SYNE2: variants seen among roughly 807,000 people sequenced by gnomAD.
SYNE2 encodes nesprin-2.
SYNE2 carries 431 observed loss-of-function variants against 856.3 expected under a neutral mutation model. That is an observed-to-expected ratio of 0.50 (90% confidence interval 0.47 to 0.55). SYNE2 has a LOEUF of 0.55. Ranked by LOEUF, SYNE2 falls within the 20% of genes least tolerant of loss-of-function variation. SYNE2 has a pLI of 0.00. For synonymous variants in SYNE2, 2,923 were observed against 2,872.3 expected (o/e 1.02, Z -0.56); for missense variants, 8,129 against 8,023.2 (o/e 1.01, Z -0.50).
In SYNE2 at chr14:64,171,266, G is replaced by T. The variant is rs77164645; in HGVS notation, c.17235+804G>T. On this transcript the variant is annotated intron_variant, in intron 94 of 115. Coordinates refer to ENST00000555002, the MANE Select transcript of SYNE2 (RefSeq NM_182914.3). ...ACAAACACCACCCTCCTGAAATCCT[G>T]TACAGCCCTCACTCATTATGCAATC... Among the ~76,000 whole-genome samples, 944 of 152,250 alleles carry T rather than the reference G, an allele frequency of 6.2e-3. 10 individuals carry two copies. The highest frequency in any genetic ancestry group is 0.022 in the African/African-American group (908 of 41,548).
At chr14:63,892,072 C>T (rs748786765) in intron 1 of SYNE2, among the ~76,000 whole-genome samples, 5 of 152,084 alleles carry the variant, frequency 3.3e-5, no homozygotes, top group Non-Finnish European at 7.4e-5. Context: ...CCAAACATTT[C>T]AAATTTAGAG....
chr14:64,059,135 C>T (rs767514651), intron 49 of SYNE2, among the ~76,000 whole-genome samples: 11 of 152,142 alleles, frequency 7.2e-5, no homozygotes, highest in Non-Finnish European at 1.5e-4. Flanking sequence ...TGAAAGGTCA[C>T]ATATTTCTCT....
At chr14:63,928,352 A>C (rs568959424) in intron 2 of SYNE2, among the ~76,000 whole-genome samples, 2 of 152,192 alleles carry the variant, frequency 1.3e-5, no homozygotes, top group South Asian at 4.1e-4. Context: ...GTGTGACATA[A>C]AGTAATTGTG....
intron 11 of SYNE2, among the ~76,000 whole-genome samples, chr14:63,970,162 AT>A (rs2096455248): frequency 6.6e-6 from 1 of 151,572 alleles, no homozygotes; most frequent in South Asian, 2.1e-4. Flanking sequence ...ACACCGTTGT[AT>A]CTTGCTTTCT....
chr14:63,844,365 C>T (rs775759306), intron 1 of SYNE2, among the ~76,000 whole-genome samples: 1 of 152,164 alleles, frequency 6.6e-6, no homozygotes, highest in Non-Finnish European at 1.5e-5. Context: ...TTCTTTTTAG[C>T]ACTGAATAAT....
At chr14:64,213,453 A>G (rs1010753744) in intron 105 of SYNE2, among the ~76,000 whole-genome samples, 7 of 152,174 alleles carry the variant, frequency 4.6e-5, no homozygotes, top group African/African-American at 1.7e-4. Context: ...AGAGTTTCAA[A>G]AGCAACTTTG....
At position 64,122,314 on chromosome 14, in the gene SYNE2, G is replaced by A. The variant is rs766896316; in HGVS notation, c.13309G>A (p.Val4437Ile). 54 of 1,613,976 alleles carry A rather than the reference G, an allele frequency of 3.3e-5. No individual in the cohort carries two copies. The highest frequency in any genetic ancestry group is 1.6e-4 in the Middle Eastern group (1 of 6,084). The change falls in exon 70 of 116, where the codon GTT (valine) becomes ATT (isoleucine). Residue 4437 changes from valine (V) to isoleucine (I), a missense_variant. Val to Ile is a conservative substitution (Grantham distance 29). This residue lies in a region of SYNE2 where 5,410 missense variants were observed against 5,284.8 expected (regional missense o/e 1.02). Transcript: ENST00000555002. The part of the protein sequence containing the change: ...SNQASSPEND[V>I]PDSILSPQGQ... ...CCAGGCATCCAGCCCTGAAAATGAC[G>A]TTCCAGACTCGATCTTGTCACCCCA...
At chr14:64,197,677 C>G (rs1477954042) in intron 99 of SYNE2, among the ~76,000 whole-genome samples, 3 of 152,146 alleles carry the variant, frequency 2.0e-5, no homozygotes, top group African/African-American at 2.4e-5. Context: ...TAACTGTAGA[C>G]TCCTGAGCAC....
At chr14:64,008,722 G>A (rs2096820394) in intron 31 of SYNE2, among the ~76,000 whole-genome samples, 1 of 152,068 alleles carries the variant, frequency 6.6e-6, no homozygotes, top group Non-Finnish European at 1.5e-5. Context: ...CAGGCTGAGG[G>A]TTCCAGCAGG....
chr14:64,075,811 A>G (rs1280709405), intron 53 of SYNE2, 134 bp from the exon 54 acceptor site: 2 of 862,636 alleles, frequency 2.3e-6, no homozygotes, highest in Non-Finnish European at 3.8e-6. Context: ...ATCAGCTTGT[A>G]TCACTAGTGG....
chr14:63,951,422 C>A (rs1341697548), intron 7 of SYNE2, among the ~76,000 whole-genome samples: 1 of 152,148 alleles, frequency 6.6e-6, no homozygotes, highest in African/African-American at 2.4e-5. Flanking sequence ...CCTGCCTCAG[C>A]CTCCCCTGTA....
At chr14:63,988,914 A>C (rs192150693) in intron 19 of SYNE2, among the ~76,000 whole-genome samples, 14 of 152,346 alleles carry the variant, frequency 9.2e-5, no homozygotes, top group Admixed American at 7.2e-4. Context: ...GTGGGAATTC[A>C]AGATGAGATT....
Position 64,129,873 on chromosome 14 carries a change from C to T in SYNE2, c.14111C>T (p.Ala4704Val). 1 of 1,614,120 alleles carries T rather than the reference C, an allele frequency of 6.2e-7. No individual in the cohort carries two copies. Among genetic ancestry groups the T allele is most frequent in the Non-Finnish European group, 8.5e-7 (1 of 1,180,032 alleles). Residue 4704 changes from alanine (A) to valine (V), a missense_variant, in exon 75 of 116, where the codon GCT becomes GTT. Physicochemically the swap from Ala to Val is moderately conservative, Grantham distance 64. Transcript: ENST00000555002. ...GGGGAGAGGCTTCATTTACCTTATG[C>T]TTTACTCCAGGAGGTTTACAAATTA... ...DEGERLHLPY[A>V]LLQEVYKLED...
At chr14:64,114,957 C>A (rs2097842984) in intron 66 of SYNE2, among the ~76,000 whole-genome samples, 2 of 152,186 alleles carry the variant, frequency 1.3e-5, no homozygotes, top group African/African-American at 4.8e-5. Flanking sequence ...CACTCAGATA[C>A]TGGCACTGCC....
intron 1 of SYNE2, among the ~76,000 whole-genome samples, chr14:63,878,331 C>G (rs922648592): frequency 6.6e-6 from 1 of 152,160 alleles, no homozygotes; most frequent in African/African-American, 2.4e-5. Context: ...CCCAATAAAG[C>G]CTGTAGCCCT....
chr14:63,976,439 T>G (rs963038031), intron 11 of SYNE2, 124 bp from the exon 12 acceptor site: 1 of 970,176 alleles, frequency 1.0e-6, no homozygotes, highest in African/African-American at 1.7e-5. Flanking sequence ...TCCATGATAA[T>G]TGATCACATT....
At chr14:63,769,492 C>T (rs1382965877) in intron 1 of SYNE2, among the ~76,000 whole-genome samples, 2 of 151,944 alleles carry the variant, frequency 1.3e-5, no homozygotes, top group African/African-American at 2.4e-5. Context: ...ATGGTGAAAC[C>T]CCGTCTCTAC....
At chr14:63,815,990 A>G (rs1888971878) in intron 1 of SYNE2, among the ~76,000 whole-genome samples, 1 of 135,972 alleles carries the variant, frequency 7.4e-6, no homozygotes, top group African/African-American at 2.8e-5. Flanking sequence ...TTGCTCTGTC[A>G]CAGGCTGAAG....
chr14:64,177,431 A>G lies in SYNE2; in HGVS notation c.17504A>G (p.Asp5835Gly), dbSNP rs147097998. Residue 5835 changes from aspartate to glycine, a missense_variant, in exon 96 of 116, where the codon GAT becomes GGT. By Grantham distance (94) the Asp-to-Gly change is moderately conservative (BLOSUM62 -1). Around this residue, in one of 3 missense-constraint regions of SYNE2, gnomAD observed 5,410 missense variants for 5,284.8 expected, o/e 1.02. Transcript: ENST00000555002. The stretch of plus-strand genomic sequence containing the variant: ...CAAGTTTTAAAGGCACAAAGTGAAG[A>G]TCCTCTTCCAGAGCTTCACGAGGAC... Reference protein sequence around the residue: ...RLQVLKAQSEDPLPELHEDLH... With the variant: ...RLQVLKAQSEGPLPELHEDLH... The G allele has an allele frequency of 3.5e-5, 56 of 1,614,064 alleles. No individual in the cohort carries two copies. Among genetic ancestry groups the G allele is most frequent in the Admixed American group, 1.7e-4 (10 of 60,008 alleles).
Sources: allele counts gnomAD v4.1 joint callset (sites outside exome capture counted in the v4.1 genomes callset), GRCh38; gene constraint gnomAD v4.1.1; regional missense constraint gnomAD v4.1.1; transcripts MANE v1.5; gene names NCBI Gene and HGNC (gene_info 2026-07-23, HGNC 2026-07-21).